The following GSDME variants were observed in gnomAD, a reference collection of about 807,000 sequenced individuals.
GSDME encodes gasdermin-E.
Under a neutral mutation model 47.5 loss-of-function variants are expected in GSDME, and 44 were observed. The observed-to-expected ratio is 0.93, with a 90% CI of 0.73 to 1.19. The LOEUF (loss-of-function observed/expected upper bound fraction) is 1.19. Among genes scored for constraint, GSDME ranks in the 50% most tolerant of loss-of-function variants. GSDME has a pLI of 0.00. For missense variants in GSDME, 663 were observed against 604.2 expected, an observed-to-expected ratio of 1.10 and a Z score of -1.02; for synonymous variants, 258 against 252.8, an observed-to-expected ratio of 1.02 and a Z score of -0.20.
In GSDME at chr7:24,716,014, G is replaced by T. The variant is rs544934510; in HGVS notation, c.697+1240C>A. Among the ~76,000 whole-genome samples the T allele has an allele frequency of 3.3e-5, 5 of 152,294 alleles. No homozygotes were observed. In the South Asian group the frequency reaches 1.0e-3, roughly 32 times the overall value. The stretch of plus-strand genomic sequence containing the variant: ...CACGAGGACACTGAGCATTCTGTTT[G>T]AGTCCCTCTAGTGGCTGCTGAATGG... On this transcript the variant is annotated intron_variant, in intron 5 of 9. Coordinates refer to ENST00000645220, the MANE Select transcript of GSDME (RefSeq NM_001127453.2). This position sits in a 1 kb window ranked among gnomAD's most constrained non-coding sequence, Gnocchi z 4.5.
At position 24,744,217 on chromosome 7, in the gene GSDME, G is replaced by A. The variant is rs139692165; in HGVS notation, c.404+345C>T. On this transcript the variant is annotated intron_variant, in intron 3 of 9. Coordinates refer to ENST00000645220, the MANE Select transcript of GSDME (RefSeq NM_001127453.2). The surrounding 1 kb of genome is among the most constrained non-coding windows in gnomAD (Gnocchi z 4.5). ...TTCATCAGAAAATTATAGAGCCAGA[G>A]GGGGGTCATGACTTCCTGGCTTCTA... The A allele has an allele frequency of 3.6e-4, 95 of 267,510 alleles. No homozygotes were observed. Among genetic ancestry groups the A allele is most frequent in the Middle Eastern group, 1.3e-3 (1 of 766 alleles). 16.6% of individuals were successfully genotyped at this position (267,510 alleles called of 1,614,324 possible).
chr7:24,706,707 G>A lies in GSDME; in HGVS notation c.991-331C>T, dbSNP rs78186185. 8.4e-3 allele frequency among the ~76,000 whole-genome samples: 1,281 copies of A among 152,300 alleles called. 15 individuals carry two copies. The highest frequency in any genetic ancestry group is 0.029 in the African/African-American group (1,191 of 41,540). On this transcript the variant is annotated intron_variant, in intron 7 of 9. Transcript: ENST00000645220. ...CTGGGGAGGGCGATGTTCAAGCATC[G>A]TCTTGTCTTGGTTCTCATGCGTTAA...
the GSDME span, among the ~76,000 whole-genome samples, chr7:24,790,678 T>C: frequency 3.3e-5 from 5 of 152,162 alleles, no homozygotes; most frequent in Non-Finnish European, 5.9e-5. This position sits in a 1 kb window ranked among gnomAD's most constrained non-coding sequence, Gnocchi z 4.1. Flanking sequence ...CCCCACCAGG[T>C]GACTGTTCTT....
At chr7:24,701,279 G>A (rs1788857535) in intron 9 of GSDME, among the ~76,000 whole-genome samples, 1 of 152,216 alleles carries the variant, frequency 6.6e-6, no homozygotes, top group South Asian at 2.1e-4. Context: ...AGAAAAAGGA[G>A]GTCTTTGACT....
At chr7:24,741,258 G>A (rs1220213344) in intron 3 of GSDME, among the ~76,000 whole-genome samples, 5 of 152,002 alleles carry the variant, frequency 3.3e-5, no homozygotes, top group African/African-American at 1.2e-4. Context: ...AGCTGACCAC[G>A]GAAGACAAGG....
chr7:24,720,831 C>G (rs554703664), intron 3 of GSDME, among the ~76,000 whole-genome samples: 1 of 151,828 alleles, frequency 6.6e-6, no homozygotes, highest in African/African-American at 2.4e-5. Flanking sequence ...TGCTTGAACC[C>G]GGGAGGCGGA....
At chr7:24,793,232 T>C in the GSDME span, among the ~76,000 whole-genome samples, 5 of 152,238 alleles carry the variant, frequency 3.3e-5, no homozygotes, top group African/African-American at 1.2e-4. Context: ...TAAGATTTTT[T>C]ATAGACTCTC....
At chr7:24,743,625 G>C (rs1002287853) in intron 3 of GSDME, among the ~76,000 whole-genome samples, 1 of 152,096 alleles carries the variant, frequency 6.6e-6, no homozygotes, top group African/African-American at 2.4e-5. Context: ...TGTGGGACTT[G>C]GCGCCCCACC....
In GSDME at chr7:24,754,047, C is replaced by A. The variant is rs1032934868; in HGVS notation, c.-20+3349G>T. On this transcript the variant is annotated intron_variant, in intron 1 of 9. Transcript: ENST00000645220. This position sits in a 1 kb window ranked among gnomAD's most constrained non-coding sequence, Gnocchi z 5.0. ...TCATGTCTCAGCCAAAAGTCAGACT[C>A]TGGATTAACATTTTCACAATGCTCC... Among the ~76,000 whole-genome samples the A allele has an allele frequency of 6.6e-6, 1 of 152,212 alleles. No individual in the cohort carries two copies. The highest frequency in any genetic ancestry group is 6.5e-5 in the Admixed American group (1 of 15,282).
chr7:24,709,856 A>T (rs1789276921), intron 6 of GSDME, among the ~76,000 whole-genome samples: 1 of 152,050 alleles, frequency 6.6e-6, no homozygotes, highest in African/African-American at 2.4e-5. Context: ...AACAAAACAG[A>T]TGCAGAACGG....
At chr7:24,759,293 C>A (rs1791128277), upstream of GSDME, among the ~76,000 whole-genome samples, 1 of 152,172 alleles carries the variant, frequency 6.6e-6, no homozygotes, top group South Asian at 2.1e-4. Context: ...CAGGTTCCCA[C>A]CCCAAAAAGC....
rs17275047 is a variant in GSDME, at chr7:24,705,165, C to T, written c.1183+1019G>A. The T allele has an allele frequency of 0.038, 5,863 of 152,302 alleles. 158 individuals are homozygous for T. The highest frequency in any genetic ancestry group is 0.057 in the Non-Finnish European group (3,875 of 68,036). 9.4% of individuals were successfully genotyped at this position (152,302 alleles called of 1,614,324 possible). A position where few individuals can be genotyped will look rare whatever the true frequency, so the allele number is the denominator to read the frequency against. ...CTCTCACAAGTCGGAGAACTCTGGC[C>T]TGTGTATTAGCTCCTGACAGAATGC... is the stretch of plus-strand genomic sequence containing the variant. On this transcript the variant is annotated intron_variant, in intron 8 of 9. Transcript: ENST00000645220. This position sits in a 1 kb window ranked among gnomAD's most constrained non-coding sequence, Gnocchi z 4.1.
chr7:24,772,251 A>G, the GSDME span, among the ~76,000 whole-genome samples: 1 of 151,668 alleles, frequency 6.6e-6, no homozygotes, highest in East Asian at 1.9e-4. The surrounding 1 kb of genome is among the most constrained non-coding windows in gnomAD (Gnocchi z 4.5). Flanking sequence ...TCTGTTCCCA[A>G]CTCTTCATGT....
intron 8 of GSDME, chr7:24,704,019 T>C (rs541712975): frequency 6.6e-6 from 1 of 152,250 alleles, no homozygotes; most frequent in East Asian, 1.9e-4. Flanking sequence ...CTGAGTCCCA[T>C]ATTACCCATT....
chr7:24,759,519 C>T (rs747065283), upstream of GSDME, among the ~76,000 whole-genome samples: 5 of 152,124 alleles, frequency 3.3e-5, no homozygotes, highest in Admixed American at 1.3e-4. Flanking sequence ...GAGTACATTA[C>T]ATGCAATGAT....
chr7:24,736,942 AATTGAAATTTT>A lies in GSDME; in HGVS notation c.404+7609_404+7619del, dbSNP rs1471806689. On this transcript the variant is annotated intron_variant, in intron 3 of 9. Coordinates refer to ENST00000645220, the MANE Select transcript of GSDME (RefSeq NM_001127453.2). The surrounding 1 kb of genome is among the most constrained non-coding windows in gnomAD (Gnocchi z 4.6). The stretch of plus-strand genomic sequence containing the variant: ...GTGAGTCAATGACGACACTAAGAAA[AATTGAAATTTT>A]ATTGAAACAAATGATAACAGAAACA... Among the ~76,000 whole-genome samples, 1 of 152,204 alleles carries A rather than the reference AATTGAAATTTT, an allele frequency of 6.6e-6. No individual in the cohort carries two copies. The highest frequency in any genetic ancestry group is 1.5e-5 in the Non-Finnish European group (1 of 68,026).
chr7:24,718,700 G>C (rs1178618872), intron 4 of GSDME, among the ~76,000 whole-genome samples: 1 of 152,166 alleles, frequency 6.6e-6, no homozygotes, highest in Non-Finnish European at 1.5e-5. Context: ...GGTCTGGTGA[G>C]ACCCAGTCCT....
the GSDME span, among the ~76,000 whole-genome samples, chr7:24,775,020 A>G: frequency 1.7e-4 from 26 of 152,170 alleles, no homozygotes; most frequent in Admixed American, 1.2e-3. Context: ...GGATTTTGCC[A>G]TCTCTGTGGT....
the GSDME span, among the ~76,000 whole-genome samples, chr7:24,766,478 G>A: frequency 2.8e-4 from 43 of 151,770 alleles, no homozygotes; most frequent in African/African-American, 9.4e-4. This position sits in a 1 kb window ranked among gnomAD's most constrained non-coding sequence, Gnocchi z 4.2. Context: ...GACAGGCCCC[G>A]GTGTGTGACG....
Sources: gnomAD v4.1 joint callset for allele counts (sites outside exome capture counted in the v4.1 genomes callset) on GRCh38, gnomAD v4.1.1 for gene constraint, Gnocchi (gnomAD v3.1) non-coding constraint, MANE v1.5 for transcripts, NCBI Gene and HGNC (gene_info 2026-07-23, HGNC 2026-07-21) for gene names.